Variants in PLXDC1 observed in about 807,000 individuals in gnomAD.
PLXDC1 encodes plexin domain-containing protein 1.
Under a neutral mutation model 61.3 loss-of-function variants are expected in PLXDC1, and 39 were observed. The ratio of observed to expected loss-of-function variants is 0.64; its 90% CI spans 0.49 to 0.83. The LOEUF is 0.83. PLXDC1 is among the 40% of genes least tolerant of loss of function. The probability of loss-of-function intolerance (pLI) is 0.00; values close to 1 mark genes in which losing one functional copy is unlikely to be tolerated. For missense variants in PLXDC1, 596 were observed against 666.5 expected, an observed-to-expected ratio of 0.89 and a Z score of 1.17; for synonymous variants, 212 against 254.5, an observed-to-expected ratio of 0.83 and a Z score of 1.59.
intron 11 of PLXDC1, among the ~76,000 whole-genome samples, chr17:39,077,167 C>T (rs536130766): frequency 2.0e-5 from 3 of 152,144 alleles, no homozygotes; most frequent in South Asian, 2.1e-4. Context: ...TGTGCCTGGC[C>T]GAGATGCAGG....
chr17:39,103,148 G>A (rs979337690), intron 7 of PLXDC1, among the ~76,000 whole-genome samples: 7 of 151,590 alleles, frequency 4.6e-5, no homozygotes, highest in African/African-American at 1.7e-4. Flanking sequence ...CCGGGAGGTG[G>A]AGCTTGCAGT....
intron 2 of PLXDC1, among the ~76,000 whole-genome samples, chr17:39,133,342 G>A (rs1179373126): frequency 2.0e-5 from 3 of 152,154 alleles, no homozygotes; most frequent in African/African-American, 7.2e-5. Flanking sequence ...AGACACCCTG[G>A]TGTGTGTAAG....
upstream of PLXDC1, among the ~76,000 whole-genome samples, chr17:39,152,200 A>C (rs2045378616): frequency 8.0e-6 from 1 of 125,090 alleles, no homozygotes; most frequent in Admixed American, 8.4e-5. Context: ...CATTTCCAGC[A>C]CCGATTTGCC....
chr17:39,128,106 T>TATATATATATATATACAC (rs1567769551), intron 2 of PLXDC1, among the ~76,000 whole-genome samples: 6 of 98,484 alleles, frequency 6.1e-5, no homozygotes, highest in Non-Finnish European at 1.0e-4. Flanking sequence ...TGTATATATA[T>TATATATATATATATACAC]ATATATATGT....
chr17:39,111,191 G>A (rs937021489), intron 2 of PLXDC1, among the ~76,000 whole-genome samples: 12 of 151,998 alleles, frequency 7.9e-5, no homozygotes, highest in African/African-American at 2.9e-4. Flanking sequence ...ATGGTCACTC[G>A]TGCCACTGCC....
chr17:39,134,117 G>A (rs570878608), intron 2 of PLXDC1, among the ~76,000 whole-genome samples: 56 of 152,150 alleles, frequency 3.7e-4, no homozygotes, highest in African/African-American at 5.3e-4. Flanking sequence ...AGCCGGGCGT[G>A]GTGGCAGGCG....
rs1175434161 is a variant in PLXDC1 at position 39,097,857 on chromosome 17, G to A, written c.811+7997C>T. Among the ~76,000 whole-genome samples the A allele has an allele frequency of 5.5e-5, 8 of 145,950 alleles. No individual in the cohort carries two copies. The East Asian group carries it at 6.0e-4, about 11-fold the overall frequency. ...GTTGAGGTTGCAGTGAGCTATGATTGTGCTACTGCACTTCGGCCTGAGCGA... is the reference window on the plus strand; with the variant it reads ...GTTGAGGTTGCAGTGAGCTATGATTATGCTACTGCACTTCGGCCTGAGCGA... On this transcript the variant is annotated intron_variant, in intron 7 of 13. Coordinates refer to ENST00000315392, the MANE Select transcript of PLXDC1 (RefSeq NM_020405.5).
chr17:39,086,230 G>C (rs1909736069), intron 8 of PLXDC1, among the ~76,000 whole-genome samples: 1 of 152,178 alleles, frequency 6.6e-6, no homozygotes, highest in Admixed American at 6.5e-5. Flanking sequence ...CTCAGGCCCT[G>C]AGCCTTCTGC....
intron 7 of PLXDC1, among the ~76,000 whole-genome samples, chr17:39,099,414 G>A (rs1054091876): frequency 6.6e-6 from 1 of 152,154 alleles, no homozygotes; most frequent in Non-Finnish European, 1.5e-5. Context: ...GGGAGGTGCA[G>A]ATGAAACAGA....
chr17:39,072,037 C>A, intron 12 of PLXDC1: 1 of 193,450 alleles, frequency 5.2e-6, no homozygotes, highest in South Asian at 1.4e-4. Flanking sequence ...ATGTCCTCTG[C>A]CAGCCTGAGT....
intron 9 of PLXDC1, chr17:39,079,709 G>C: frequency 5.4e-6 from 2 of 369,682 alleles, no homozygotes; most frequent in South Asian, 4.0e-5. Context: ...GACACCAAGC[G>C]CCCCTGTAGG....
At chr17:39,092,442 A>G (rs1453555796) in intron 7 of PLXDC1, among the ~76,000 whole-genome samples, 1 of 152,222 alleles carries the variant, frequency 6.6e-6, no homozygotes, top group East Asian at 1.9e-4. Context: ...CGAGAAAACT[A>G]CAAGAGCACA....
At chr17:39,071,101 T>C (rs1264821187) in intron 12 of PLXDC1, among the ~76,000 whole-genome samples, 9 of 152,208 alleles carry the variant, frequency 5.9e-5, no homozygotes, top group Non-Finnish European at 1.3e-4. Context: ...TCCTAGGCAC[T>C]TGAAATACGT....
intron 7 of PLXDC1, among the ~76,000 whole-genome samples, chr17:39,098,963 A>T (rs1910323507): frequency 6.6e-6 from 1 of 151,988 alleles, no homozygotes. Context: ...TTTTGACCTG[A>T]CCTGTGGGCA....
intron 7 of PLXDC1, among the ~76,000 whole-genome samples, chr17:39,094,812 T>C (rs961344911): frequency 6.6e-6 from 1 of 152,070 alleles, no homozygotes; most frequent in Non-Finnish European, 1.5e-5. Flanking sequence ...ATTACTGCCA[T>C]TCTCAAAAGG....
chr17:39,152,589 A>C (rs752684258), upstream of PLXDC1: 2 of 1,251,014 alleles, frequency 1.6e-6, no homozygotes, highest in South Asian at 6.5e-5. Context: ...GGAGAGTGGG[A>C]GACGGGGTGA....
chr17:39,151,381 C>G lies in PLXDC1; in HGVS notation c.57G>C (p.Leu19=). Residue 19 remains leucine (L), a synonymous_variant, in exon 1 of 14, where the codon CTG becomes CTC. Coordinates refer to ENST00000315392, the MANE Select transcript of PLXDC1 (RefSeq NM_020405.5). This position sits in a 1 kb window ranked among gnomAD's most constrained non-coding sequence, Gnocchi z 5.2. Reference sequence around the variant, plus strand: ...TCCTACCTGCTCCGGGCTGGGGGCTCAGCGCCCGGGCAGCCTCCCTGAGCA... The same window carrying G: ...TCCTACCTGCTCCGGGCTGGGGGCTGAGCGCCCGGGCAGCCTCCCTGAGCA... The part of the protein sequence containing the change: ...VLVLREAARA[L]SPQPGAGHDE... 1.5e-6 allele frequency: 2 copies of G among 1,292,578 alleles called. No homozygotes were observed. The highest frequency in any genetic ancestry group is 2.0e-6 in the Non-Finnish European group (2 of 1,019,104). 80.1% of individuals were successfully genotyped at this position (1,292,578 alleles called of 1,614,324 possible). A position where few individuals can be genotyped will look rare whatever the true frequency, so the allele number is the denominator to read the frequency against.
intron 11 of PLXDC1, among the ~76,000 whole-genome samples, chr17:39,075,913 A>C (rs1343075804): frequency 6.6e-6 from 1 of 152,134 alleles, no homozygotes; most frequent in Non-Finnish European, 1.5e-5. Flanking sequence ...CCCAGTCTCT[A>C]CTAAAAATAC....
At chr17:39,111,682 T>C (rs1025511313) in intron 2 of PLXDC1, 10 of 152,262 alleles carry the variant, frequency 6.6e-5, no homozygotes, top group African/African-American at 2.4e-4. Context: ...CAGGGAGTCC[T>C]CAAGGGGTGA....
Sources: gnomAD v4.1 joint callset for allele counts (sites outside exome capture counted in the v4.1 genomes callset) on GRCh38, gnomAD v4.1.1 for gene constraint, Gnocchi (gnomAD v3.1) non-coding constraint, MANE v1.5 for transcripts, NCBI Gene and HGNC (gene_info 2026-07-23, HGNC 2026-07-21) for gene names.